The following RBFOX1 variants were observed in gnomAD, a reference collection of about 807,000 sequenced individuals.
RBFOX1 encodes RNA binding fox-1 homolog 1.
A neutral mutation model predicts 57.7 loss-of-function variants in RBFOX1; 8 were observed. The observed-to-expected ratio is 0.14, with a 90% CI of 0.08 to 0.25. RBFOX1 has a LOEUF of 0.25. Ranked by LOEUF, RBFOX1 falls within the 10% of genes least tolerant of loss-of-function variation. RBFOX1 has a pLI of 1.00. For missense variants in RBFOX1, 611 were observed against 548.5 expected (o/e 1.11, Z -1.14); for synonymous variants, 326 against 222.4 (o/e 1.47, Z -4.15).
At chr16:6,345,279 G>C (rs1411710049) in intron 2 of RBFOX1, among the ~76,000 whole-genome samples, 1 of 152,176 alleles carries the variant, frequency 6.6e-6, no homozygotes, top group South Asian at 2.1e-4. Context: ...TGAAGCAACT[G>C]CGTACTGCTC....
At chr16:6,763,946 G>C (rs1376491656) in intron 3 of RBFOX1, among the ~76,000 whole-genome samples, 2 of 152,176 alleles carry the variant, frequency 1.3e-5, no homozygotes, top group African/African-American at 4.8e-5. Context: ...ATATTAATGA[G>C]TCCTGGAGAA....
intron 3 of RBFOX1, among the ~76,000 whole-genome samples, chr16:5,754,162 A>G (rs1268807606): frequency 6.6e-6 from 1 of 152,234 alleles, no homozygotes; most frequent in Non-Finnish European, 1.5e-5. Flanking sequence ...TACATTTGTT[A>G]AAAGCCGGAA....
At chr16:5,290,833 G>C in intron 1 of RBFOX1, among the ~76,000 whole-genome samples, 1 of 151,986 alleles carries the variant, frequency 6.6e-6, no homozygotes, top group Non-Finnish European at 1.5e-5. Context: ...CGAGTAGCTG[G>C]GATTACAGGC....
In RBFOX1 at chr16:5,856,529, A is replaced by ATGTG. The variant is rs1402419760; in HGVS notation, c.319-10773_319-10772insGTGT. On this transcript the variant is annotated intron_variant, in intron 3 of 19. Coordinates refer to the RBFOX1 transcript ENST00000641259. ...ATTTTGACCAACATCTCTCATTCAT[A>ATGTG]TATGTGTATGTGTGTGTGTGTGTGT... Among the ~76,000 whole-genome samples the ATGTG allele has an allele frequency of 8.0e-3, 444 of 55,438 alleles. 69 individuals carry two copies. Among genetic ancestry groups the ATGTG allele is most frequent in the Middle Eastern group, 0.019 (2 of 106 alleles). The allele number at this position is 55,438 out of a possible 152,430, so 36.4% of individuals were successfully genotyped here. A position where few individuals can be genotyped will look rare whatever the true frequency, so the allele number is the denominator to read the frequency against.
At chr16:7,233,673 C>G (rs1395733039) in intron 4 of RBFOX1, among the ~76,000 whole-genome samples, 2 of 152,156 alleles carry the variant, frequency 1.3e-5, no homozygotes, top group South Asian at 2.1e-4. Flanking sequence ...GAAATGCGAC[C>G]TTAGCAAAAG....
intron 4 of RBFOX1, among the ~76,000 whole-genome samples, chr16:7,297,040 C>T (rs974987625): frequency 1.3e-5 from 2 of 152,152 alleles, no homozygotes; most frequent in Non-Finnish European, 1.5e-5. Context: ...CAAGCTTGCA[C>T]TCCATGGGAG....
intron 3 of RBFOX1, among the ~76,000 whole-genome samples, chr16:5,842,980 G>A (rs751226273): frequency 6.6e-5 from 10 of 152,036 alleles, no homozygotes; most frequent in Non-Finnish European, 1.3e-4. Context: ...TAGCATGTCT[G>A]GCTAATTGTT....
chr16:6,152,192 C>G (rs2096802310), intron 1 of RBFOX1, among the ~76,000 whole-genome samples: 1 of 152,136 alleles, frequency 6.6e-6, no homozygotes, highest in Non-Finnish European at 1.5e-5. Context: ...ATAATATTGT[C>G]TGAGTCAATC....
intron 3 of RBFOX1, among the ~76,000 whole-genome samples, chr16:6,674,404 C>G (rs1038975285): frequency 6.6e-6 from 1 of 152,058 alleles, no homozygotes; most frequent in Non-Finnish European, 1.5e-5. Flanking sequence ...TCACCTCAAC[C>G]TCCGCCTCCT....
At chr16:7,388,644 CTTTTTTTTTTT>C (rs61629644) in intron 4 of RBFOX1, among the ~76,000 whole-genome samples, 1 of 92,620 alleles carries the variant, frequency 1.1e-5, no homozygotes, top group African/African-American at 4.2e-5. Flanking sequence ...GTTTCACTTA[CTTTTTTTTTTT>C]TTTTTTTTTT....
At chr16:5,364,868 C>G (rs74003893) in intron 1 of RBFOX1, among the ~76,000 whole-genome samples, 1,728 of 152,190 alleles carry the variant, frequency 0.011, 39 homozygotes, top group African/African-American at 0.039. Flanking sequence ...GATTTGGACC[C>G]CATCTGTGAA....
At chr16:7,076,705 C>T (rs1390591243) in intron 4 of RBFOX1, among the ~76,000 whole-genome samples, 1 of 152,160 alleles carries the variant, frequency 6.6e-6, no homozygotes, top group Admixed American at 6.5e-5. Context: ...TAAATACCAC[C>T]TTCCCATTTC....
rs542436726 is a variant in RBFOX1, at chr16:6,966,579, G to A, written c.-15-85478G>A. Among the ~76,000 whole-genome samples the A allele has an allele frequency of 9.2e-5, 14 of 152,110 alleles. 1 individual carries two copies. The highest frequency in any genetic ancestry group is 5.8e-4 in the East Asian group (3 of 5,180). On this transcript the variant is annotated intron_variant, in intron 3 of 15. Transcript: ENST00000550418. ...GTCTTTGAGAAAGAATGGAAGATAC[G>A]TTAGTTAAAAATAAGGCCAATGGAC...
chr16:6,989,475 C>G (rs190992347), intron 3 of RBFOX1, among the ~76,000 whole-genome samples: 1 of 152,076 alleles, frequency 6.6e-6, no homozygotes. Flanking sequence ...TTAATATCAT[C>G]CTCTGTAATT....
chr16:6,677,804 G>A (rs1166663844), intron 3 of RBFOX1, among the ~76,000 whole-genome samples: 3 of 152,080 alleles, frequency 2.0e-5, no homozygotes, highest in Non-Finnish European at 4.4e-5. Context: ...CTGAACAATG[G>A]TGGCAGAGCT....
chr16:7,201,038 C>T (rs1321156532), intron 4 of RBFOX1, among the ~76,000 whole-genome samples: 4 of 152,040 alleles, frequency 2.6e-5, no homozygotes, highest in African/African-American at 7.2e-5. Flanking sequence ...TAAATAGCAA[C>T]CAAATTGAAT....
At chr16:7,495,710 G>A (rs898186643) in intron 4 of RBFOX1, among the ~76,000 whole-genome samples, 1 of 152,108 alleles carries the variant, frequency 6.6e-6, no homozygotes, top group Admixed American at 6.6e-5. Context: ...TTAAGTCTCA[G>A]AAACCTTTTT....
At chr16:6,905,169 T>C (rs190309380) in intron 3 of RBFOX1, among the ~76,000 whole-genome samples, 6 of 152,314 alleles carry the variant, frequency 3.9e-5, no homozygotes, top group Non-Finnish European at 8.8e-5. Context: ...TCAAATCCTT[T>C]ATTCTTTATC....
intron 3 of RBFOX1, among the ~76,000 whole-genome samples, chr16:6,747,715 C>T (rs1205860884): frequency 6.6e-6 from 1 of 152,086 alleles, no homozygotes; most frequent in East Asian, 1.9e-4. Context: ...AGAAATATGT[C>T]TTCTGGGCAC....
Sources: allele counts gnomAD v4.1 joint callset (sites outside exome capture counted in the v4.1 genomes callset), GRCh38; gene constraint gnomAD v4.1.1; transcripts MANE v1.5; gene names NCBI Gene and HGNC (gene_info 2026-07-23, HGNC 2026-07-21).